The following LARS2 variants were observed in gnomAD, a reference collection of about 807,000 sequenced individuals.
The protein encoded by LARS2 is leucine--tRNA ligase, mitochondrial.
A neutral mutation model predicts 116.6 loss-of-function variants in LARS2; 81 were observed. That is an observed-to-expected ratio of 0.69 (90% CI 0.58 to 0.84). The LOEUF (loss-of-function observed/expected upper bound fraction) is 0.84, where lower values mean the gene tolerates loss of function less well. Among genes scored for constraint, LARS2 ranks in the 40% least tolerant of loss-of-function variants. LARS2 has a pLI of 0.00. For missense variants in LARS2, 968 were observed against 1,114.5 expected, an observed-to-expected ratio of 0.87 and a Z score of 1.87; for synonymous variants, 396 against 407.2, an observed-to-expected ratio of 0.97 and a Z score of 0.33.
intron 17 of LARS2, 101 bp from the exon 18 acceptor site, chr3:45,517,802 G>A: frequency 1.1e-6 from 1 of 905,186 alleles, no homozygotes; most frequent in South Asian, 1.7e-5. Flanking sequence ...GCAGTGAAGT[G>A]TCACATCAAT....
intron 12 of LARS2, 24 bp downstream of exon 12, chr3:45,488,836 C>T: frequency 2.2e-6 from 3 of 1,362,930 alleles, no homozygotes; most frequent in Non-Finnish European, 3.2e-6. Flanking sequence ...AACTTACTTC[C>T]AGAATGATCA....
At chr3:45,453,795 T>C (rs983214046) in intron 7 of LARS2, among the ~76,000 whole-genome samples, 1 of 152,048 alleles carries the variant, frequency 6.6e-6, no homozygotes, top group Non-Finnish European at 1.5e-5. Context: ...CCCTAAAATA[T>C]ATATTTTACT....
chr3:45,512,101 C>T (rs1360224260), intron 15 of LARS2, among the ~76,000 whole-genome samples: 1 of 152,084 alleles, frequency 6.6e-6, no homozygotes, highest in Non-Finnish European at 1.5e-5. Flanking sequence ...ATCATCCTAC[C>T]TATCTTTATC....
At chr3:45,545,583 G>A (rs962869407) in intron 21 of LARS2, among the ~76,000 whole-genome samples, 2 of 152,182 alleles carry the variant, frequency 1.3e-5, no homozygotes, top group Non-Finnish European at 2.9e-5. Flanking sequence ...GCAACTCAGG[G>A]GAGGCCTGGG....
intron 15 of LARS2, among the ~76,000 whole-genome samples, chr3:45,506,418 C>G (rs764715512): frequency 1.3e-5 from 2 of 152,054 alleles, no homozygotes; most frequent in Non-Finnish European, 2.9e-5. Context: ...TTGAGAGCCT[C>G]CAAACAACTT....
chr3:45,391,808 T>G (rs778974440), intron 2 of LARS2, among the ~76,000 whole-genome samples, 160 bp downstream of exon 2: 1 of 152,208 alleles, frequency 6.6e-6, no homozygotes, highest in Non-Finnish European at 1.5e-5. Context: ...AAAGCAGAGG[T>G]CATTAGTAAG....
rs765292534 is a variant in LARS2, at chr3:45,547,459, C to T, written c.2641C>T (p.Gln881Ter). The change falls in exon 22 of 22, where the codon CAA (glutamine) becomes TAA (stop). Residue 881 changes from glutamine (Q) to a stop codon, truncating the protein, a stop_gained. Coordinates refer to ENST00000645846, the MANE Select transcript of LARS2 (RefSeq NM_015340.4). LOFTEE classifies it high-confidence loss of function. ...LQSELGVRLL[Q>*]GRSIKKSFLS... Reference sequence around the variant, plus strand: ...AAGCGAGCTGGGTGTCAGGCTTTTGCAAGGACGAAGCATCAAGAAGTCCTT... The same window carrying T: ...AAGCGAGCTGGGTGTCAGGCTTTTGTAAGGACGAAGCATCAAGAAGTCCTT... 1 of 1,613,670 alleles carries T rather than the reference C, an allele frequency of 6.2e-7. No homozygotes were observed. The highest frequency in any genetic ancestry group is 1.3e-5 in the African/African-American group (1 of 74,872).
At chr3:45,419,790 C>A in intron 6 of LARS2, 61 bp downstream of exon 6, 1 of 1,325,258 alleles carries the variant, frequency 7.5e-7, no homozygotes. Flanking sequence ...TGGCAGGGAG[C>A]ACTCTTCTTC....
At chr3:45,474,399 T>C in intron 9 of LARS2, 49 bp downstream of exon 9, 1 of 1,249,226 alleles carries the variant, frequency 8.0e-7, no homozygotes, top group South Asian at 1.3e-5. Flanking sequence ...AAATCTCCTC[T>C]ACATTTGGGA....
intron 8 of LARS2, among the ~76,000 whole-genome samples, chr3:45,462,051 T>C (rs1699334500): frequency 6.6e-6 from 1 of 152,198 alleles, no homozygotes; most frequent in Admixed American, 6.5e-5. Context: ...TCCTGCTATA[T>C]ATAGATAAGA....
intron 15 of LARS2, among the ~76,000 whole-genome samples, chr3:45,508,610 C>T (rs768724619): frequency 6.6e-6 from 1 of 152,028 alleles, no homozygotes; most frequent in East Asian, 1.9e-4. Flanking sequence ...GCAGGCCACT[C>T]TCGCACCAGG....
chr3:45,476,391 A>G (rs370531558), intron 9 of LARS2, 77 bp from the exon 10 acceptor site: 10 of 1,455,926 alleles, frequency 6.9e-6, no homozygotes, highest in East Asian at 2.3e-5. Flanking sequence ...AGGGAAGGGG[A>G]AGGGGATACA....
intron 15 of LARS2, among the ~76,000 whole-genome samples, chr3:45,508,887 C>G (rs1700237866): frequency 6.6e-6 from 1 of 151,880 alleles, no homozygotes; most frequent in South Asian, 2.1e-4. Flanking sequence ...CCCCTCTTTC[C>G]CTGCCTCCCT....
At chr3:45,462,593 C>T (rs1699349057) in intron 8 of LARS2, among the ~76,000 whole-genome samples, 2 of 152,208 alleles carry the variant, frequency 1.3e-5, no homozygotes, top group African/African-American at 2.4e-5. Flanking sequence ...ACTAGGAAAG[C>T]AGGCTTGGGC....
In LARS2 at chr3:45,449,239, T is replaced by C. The variant is rs565988809; in HGVS notation, c.606+2259T>C. 1.9e-4 allele frequency among the ~76,000 whole-genome samples: 28 copies of C among 149,318 alleles called. No individual in the cohort carries two copies. The East Asian group carries it at 5.6e-3, about 30-fold the overall frequency. The stretch of plus-strand genomic sequence containing the variant: ...GCGCAATGGTGTGATCTCAGCTCAC[T>C]GCAACCTCCGCCTCCCGGGTTCAAG... On this transcript the variant is annotated intron_variant, in intron 7 of 21. Transcript: ENST00000645846.
Position 45,442,325 on chromosome 3 carries a change from A to T in LARS2, c.517-4566A>T, listed in dbSNP as rs143428454. Among the ~76,000 whole-genome samples the T allele has an allele frequency of 6.3e-3, 956 of 152,284 alleles. 10 individuals are homozygous for T. Among genetic ancestry groups the T allele is most frequent in the African/African-American group, 0.022 (920 of 41,566 alleles). On this transcript the variant is annotated intron_variant, in intron 6 of 21. Transcript: ENST00000645846. The stretch of plus-strand genomic sequence containing the variant: ...AGTTGCAGGCAGGGTTCAGTCTGGA[A>T]TTTGGGTGCTGTGGGGCAGATTCTC...
chr3:45,394,562 A>G lies in LARS2; in HGVS notation c.109A>G (p.Thr37Ala). ...KWERRVIPGC[T>A]RSIYSATGKW... ...GGAAAGGAGAGTAATTCCCGGATGT[A>G]CCAGAAGCATCTACAGTGCCACGGG... The change falls in exon 3 of 22, where the codon ACC becomes GCC. Residue 37 changes from threonine to alanine, a missense_variant. Transcript: ENST00000645846. 1 of 1,614,110 alleles carries G rather than the reference A, an allele frequency of 6.2e-7. No individual in the cohort carries two copies. Among genetic ancestry groups the G allele is most frequent in the Non-Finnish European group, 8.5e-7 (1 of 1,179,944 alleles).
intron 8 of LARS2, among the ~76,000 whole-genome samples, chr3:45,462,529 A>G (rs565807329): frequency 3.3e-5 from 5 of 152,274 alleles, no homozygotes; most frequent in African/African-American, 4.8e-5. Context: ...GTAGAATTCC[A>G]CTGATGTCCT....
At chr3:45,431,989 T>C (rs912096547) in intron 6 of LARS2, among the ~76,000 whole-genome samples, 13 of 152,032 alleles carry the variant, frequency 8.6e-5, no homozygotes, top group African/African-American at 3.1e-4. Context: ...TTCATGCAAA[T>C]AGTAATGAAA....
Sources: gnomAD v4.1 joint callset for allele counts (sites outside exome capture counted in the v4.1 genomes callset) on GRCh38, gnomAD v4.1.1 for gene constraint, MANE v1.5 for transcripts, NCBI Gene and HGNC (gene_info 2026-07-23, HGNC 2026-07-21) for gene names.